GRIP1: variants seen among roughly 807,000 people sequenced by gnomAD.
GRIP1 encodes glutamate receptor-interacting protein 1.
GRIP1 carries 45 observed loss-of-function variants against 129.9 expected under a neutral mutation model. That is an observed-to-expected ratio of 0.35 (90% CI 0.27 to 0.44). GRIP1 has a LOEUF of 0.44. Ranked by LOEUF, GRIP1 falls within the 20% of genes least tolerant of loss-of-function variation. The probability of loss-of-function intolerance (pLI) is 1.00; values close to 1 mark genes in which losing one functional copy is unlikely to be tolerated. For missense variants in GRIP1, 1,196 were observed against 1,396.8 expected, an observed-to-expected ratio of 0.86 and a Z score of 2.29; for synonymous variants, 530 against 520.8, an observed-to-expected ratio of 1.02 and a Z score of -0.24.
intron 1 of GRIP1, among the ~76,000 whole-genome samples, chr12:66,827,374 G>T (rs2039432340): frequency 9.3e-6 from 1 of 107,488 alleles, no homozygotes; most frequent in African/African-American, 4.0e-5. Context: ...GTGTGTGTGT[G>T]TGTGTGTGTG....
At chr12:66,879,999 G>A (rs2040448004) in intron 1 of GRIP1, among the ~76,000 whole-genome samples, 1 of 152,106 alleles carries the variant, frequency 6.6e-6, no homozygotes, top group Non-Finnish European at 1.5e-5. Flanking sequence ...CAGTGTTCAT[G>A]CTAAGGCCTA....
In GRIP1 at chr12:66,564,302, G is replaced by A. The variant is rs180693948; in HGVS notation, c.137-22352C>T. 2.4e-5 allele frequency among the ~76,000 whole-genome samples: 3 copies of A among 123,428 alleles called. No homozygotes were observed. The East Asian group carries it at 7.2e-4, about 30-fold the overall frequency. The allele number at this position is 123,428 out of a possible 152,430, so 81.0% of individuals were successfully genotyped here. A position where few individuals can be genotyped will look rare whatever the true frequency, so the allele number is the denominator to read the frequency against. ...TCCCCCCACCCCACAACAGGCTCCG[G>A]TGTGTGATGTTCCCTACCCTGTGTC... On this transcript the variant is annotated intron_variant, in intron 2 of 24. Coordinates refer to ENST00000359742, the MANE Select transcript of GRIP1 (RefSeq NM_001366722.1).
chr12:66,625,182 C>T (rs74766737), intron 1 of GRIP1, among the ~76,000 whole-genome samples: 11 of 152,132 alleles, frequency 7.2e-5, no homozygotes, highest in Non-Finnish European at 1.6e-4. Flanking sequence ...AGATGGGCTG[C>T]CATGTTATTT....
At chr12:66,945,723 C>G (rs1393647295) in intron 1 of GRIP1, among the ~76,000 whole-genome samples, 1 of 152,190 alleles carries the variant, frequency 6.6e-6, no homozygotes, top group East Asian at 1.9e-4. Context: ...CATTTCAACA[C>G]GAGATTTGGG....
chr12:66,684,838 C>CT (rs1252722310), intron 1 of GRIP1, among the ~76,000 whole-genome samples: 1 of 152,076 alleles, frequency 6.6e-6, no homozygotes, highest in African/African-American at 2.4e-5. Context: ...GAGCAAGACT[C>CT]TGTCGAAATG....
intron 1 of GRIP1, among the ~76,000 whole-genome samples, chr12:66,814,709 A>G (rs1481213669): frequency 6.6e-6 from 1 of 152,128 alleles, no homozygotes; most frequent in East Asian, 1.9e-4. Context: ...GTTCTGTCAC[A>G]CTGCTATGAA....
chr12:67,053,977 T>C (rs1467933091), intron 1 of GRIP1, among the ~76,000 whole-genome samples: 1 of 152,254 alleles, frequency 6.6e-6, no homozygotes, highest in Non-Finnish European at 1.5e-5. Flanking sequence ...AGGACCACTC[T>C]ATAGATTTCC....
chr12:66,453,894 A>G (rs1213742451), intron 11 of GRIP1, among the ~76,000 whole-genome samples: 1 of 152,210 alleles, frequency 6.6e-6, no homozygotes, highest in East Asian at 1.9e-4. Flanking sequence ...ATTGCATTCA[A>G]CTAGTTTCTT....
chr12:66,918,759 G>T (rs919039252), intron 1 of GRIP1, among the ~76,000 whole-genome samples: 1 of 151,950 alleles, frequency 6.6e-6, no homozygotes, highest in Non-Finnish European at 1.5e-5. Context: ...TAAACTAAAA[G>T]AAAACATTAA....
chr12:66,587,879 T>C (rs1428599305), intron 2 of GRIP1, among the ~76,000 whole-genome samples: 1 of 152,206 alleles, frequency 6.6e-6, no homozygotes, highest in African/African-American at 2.4e-5. Flanking sequence ...CTGTAAAGTA[T>C]TTCCACCCAC....
intron 1 of GRIP1, among the ~76,000 whole-genome samples, chr12:67,009,548 T>G (rs1158482601): frequency 6.6e-6 from 1 of 152,176 alleles, no homozygotes; most frequent in Non-Finnish European, 1.5e-5. Flanking sequence ...TTTAAAGAAG[T>G]ATTAACACCT....
chr12:66,582,894 T>C (rs1156999353), intron 2 of GRIP1, among the ~76,000 whole-genome samples: 9 of 147,560 alleles, frequency 6.1e-5, no homozygotes, highest in Non-Finnish European at 1.4e-4. Context: ...TTCACAGAAT[T>C]GGAAAAAACT....
chr12:66,823,232 A>T (rs1279720023), intron 1 of GRIP1, among the ~76,000 whole-genome samples: 1 of 152,194 alleles, frequency 6.6e-6, no homozygotes, highest in Non-Finnish European at 1.5e-5. Context: ...TCAGACATGT[A>T]AATATCTTGA....
At chr12:67,064,577 C>T (rs1163495005) in intron 1 of GRIP1, among the ~76,000 whole-genome samples, 1 of 152,106 alleles carries the variant, frequency 6.6e-6, no homozygotes. Context: ...TTGCTTTCTT[C>T]TCTTTTACCT....
chr12:66,984,659 G>A (rs1169493818), intron 1 of GRIP1, among the ~76,000 whole-genome samples: 1 of 151,660 alleles, frequency 6.6e-6, no homozygotes, highest in Non-Finnish European at 1.5e-5. Flanking sequence ...TCTCACTCTC[G>A]ACCATACTAA....
intron 1 of GRIP1, among the ~76,000 whole-genome samples, chr12:66,868,976 G>A (rs569086510): frequency 6.6e-6 from 1 of 152,212 alleles, no homozygotes; most frequent in Non-Finnish European, 1.5e-5. Context: ...AGAGGTCTAG[G>A]TCAGTAACCT....
intron 1 of GRIP1, among the ~76,000 whole-genome samples, chr12:66,755,858 G>C (rs11176408): frequency 6.6e-6 from 1 of 152,044 alleles, no homozygotes; most frequent in Non-Finnish European, 1.5e-5. Context: ...CACTGTTGTG[G>C]AGTGTGGTTC....
chr12:66,834,528 A>G (rs558484796), intron 1 of GRIP1, among the ~76,000 whole-genome samples: 2 of 152,244 alleles, frequency 1.3e-5, no homozygotes, highest in African/African-American at 2.4e-5. Flanking sequence ...AGAAAATCCA[A>G]GTTTTACTTA....
intron 1 of GRIP1, among the ~76,000 whole-genome samples, chr12:66,952,648 AAC>A (rs2041776246): frequency 6.6e-6 from 1 of 152,182 alleles, no homozygotes; most frequent in African/African-American, 2.4e-5. Flanking sequence ...AATGGCAGAA[AAC>A]ACTTACTTTT....
Sources: gnomAD v4.1 joint callset for allele counts (sites outside exome capture counted in the v4.1 genomes callset) on GRCh38, gnomAD v4.1.1 for gene constraint, MANE v1.5 for transcripts, NCBI Gene and HGNC (gene_info 2026-07-23, HGNC 2026-07-21) for gene names.